The following MTUS2 variants were observed in gnomAD, a reference collection of about 807,000 sequenced individuals.
The protein encoded by MTUS2 is microtubule associated scaffold protein 2, also known as microtubule-associated tumor suppressor candidate 2.
Under a neutral mutation model 114.1 loss-of-function variants are expected in MTUS2, and 40 were observed. That is an observed-to-expected ratio of 0.35 (90% CI 0.27 to 0.46). The LOEUF (loss-of-function observed/expected upper bound fraction) is 0.46, where lower values mean the gene tolerates loss of function less well. Among genes scored for constraint, MTUS2 ranks in the 20% least tolerant of loss-of-function variants. MTUS2 has a pLI of 1.00. For synonymous variants in MTUS2, 688 were observed against 672.0 expected (o/e 1.02, Z -0.37); for missense variants, 1,679 against 1,705.4 (o/e 0.98, Z 0.27).
rs1873087861 is a variant in MTUS2, at chr13:29,389,621, ATATATG to A, written c.3117+30153_3117+30158del. Among the ~76,000 whole-genome samples, 4 of 47,712 alleles carry A rather than the reference ATATATG, an allele frequency of 8.4e-5. 1 individual carries two copies. Among genetic ancestry groups the A allele is most frequent in the Admixed American group, 5.8e-4 (2 of 3,466 alleles). 31.3% of individuals were successfully genotyped at this position (47,712 alleles called of 152,430 possible). A position where few individuals can be genotyped will look rare whatever the true frequency, so the allele number is the denominator to read the frequency against. On this transcript the variant is annotated intron_variant, in intron 8 of 15. Coordinates refer to ENST00000612955, the MANE Select transcript of MTUS2 (RefSeq NM_001033602.4). ...TGTGTATACGTATACATATGTGTGT[ATATATG>A]TATACACATATGTGTATGTATATAC...
chr13:29,201,889 G>C (rs1894974447), intron 5 of MTUS2, among the ~76,000 whole-genome samples: 1 of 152,138 alleles, frequency 6.6e-6, no homozygotes. Context: ...AGTCTGATGG[G>C]CTTCCCTTTG....
At chr13:29,109,913 T>A (rs1196265158) in intron 5 of MTUS2, among the ~76,000 whole-genome samples, 2 of 152,226 alleles carry the variant, frequency 1.3e-5, no homozygotes, top group Admixed American at 1.3e-4. Context: ...CACACATATA[T>A]GGTGAATAAC....
At chr13:29,466,330 G>A (rs537944439) in intron 9 of MTUS2, among the ~76,000 whole-genome samples, 1 of 152,282 alleles carries the variant, frequency 6.6e-6, no homozygotes, top group East Asian at 1.9e-4. Context: ...CACACTCTTG[G>A]GCTATTGATA....
intron 7 of MTUS2, among the ~76,000 whole-genome samples, chr13:29,338,072 G>A (rs997646865): frequency 2.3e-4 from 35 of 151,562 alleles, no homozygotes; most frequent in African/African-American, 8.0e-4. Context: ...GATTACAGGT[G>A]TGAGCCACTG....
At chr13:29,393,739 T>G (rs1004761023) in intron 8 of MTUS2, among the ~76,000 whole-genome samples, 1 of 152,138 alleles carries the variant, frequency 6.6e-6, no homozygotes, top group African/African-American at 2.4e-5. Context: ...GTGCCCAAGA[T>G]AGTCCAAGAA....
In MTUS2 at chr13:28,946,856, A is replaced by G. The variant is rs371385332; in HGVS notation, c.-242-77601A>G. Among the ~76,000 whole-genome samples the G allele has an allele frequency of 1.1e-3, 164 of 152,152 alleles. 1 individual carries two copies. The highest frequency in any genetic ancestry group is 3.8e-3 in the African/African-American group (158 of 41,532). ...GAGCCACCACACCTGACCAGTCACCAGTTTTTAACTCTTGCTCTTCATTCA... is the reference window on the plus strand; with the variant it reads ...GAGCCACCACACCTGACCAGTCACCGGTTTTTAACTCTTGCTCTTCATTCA... On this transcript the variant is annotated intron_variant, in intron 2 of 15. Coordinates refer to ENST00000612955, the MANE Select transcript of MTUS2 (RefSeq NM_001033602.4).
chr13:28,824,707 T>C (rs1408076874), intron 1 of MTUS2, among the ~76,000 whole-genome samples: 2 of 152,018 alleles, frequency 1.3e-5, no homozygotes, highest in East Asian at 3.9e-4. Context: ...CAAAAAAGTT[T>C]GAGTGTCTCC....
At chr13:29,005,235 A>G (rs1885554409) in intron 2 of MTUS2, among the ~76,000 whole-genome samples, 1 of 152,196 alleles carries the variant, frequency 6.6e-6, no homozygotes, top group African/African-American at 2.4e-5. Flanking sequence ...CTCAGCCACC[A>G]GCATTATGGT....
intron 5 of MTUS2, among the ~76,000 whole-genome samples, chr13:29,241,991 G>A (rs980597964): frequency 5.3e-5 from 8 of 151,986 alleles, no homozygotes; most frequent in South Asian, 2.1e-4. Context: ...TCAGCTTTGC[G>A]TTCATCCCAG....
At chr13:28,943,363 C>T (rs1487486916) in intron 2 of MTUS2, among the ~76,000 whole-genome samples, 2 of 152,086 alleles carry the variant, frequency 1.3e-5, no homozygotes, top group African/African-American at 4.8e-5. Context: ...CAAAGTGAAC[C>T]CCATCAGGAT....
rs529286238 is a variant in MTUS2, at chr13:29,026,267, A to G, written c.1569A>G (p.Ser523=). The change falls in exon 3 of 16, where the codon TCA becomes TCG. Residue 523 remains serine (S), a synonymous_variant. Coordinates refer to ENST00000612955, the MANE Select transcript of MTUS2 (RefSeq NM_001033602.4). ...ATGCAGATAAGATTGAAAGCACCTC[A>G]GCAAGAGCAGATTCAGTTCTCAATA... The part of the protein sequence containing the change: ...LENADKIEST[S]ARADSVLNIP... 1.4e-5 allele frequency: 22 copies of G among 1,614,018 alleles called. No homozygotes were observed. In the South Asian group the frequency reaches 2.2e-4, roughly 16 times the overall value.
intron 4 of MTUS2, among the ~76,000 whole-genome samples, chr13:29,085,707 G>A (rs1411186682): frequency 6.6e-6 from 1 of 152,162 alleles, no homozygotes. Flanking sequence ...CACCTAGGTT[G>A]ATTTCATGTC....
intron 5 of MTUS2, among the ~76,000 whole-genome samples, chr13:29,258,811 C>CT (rs983982876): frequency 6.6e-6 from 1 of 152,178 alleles, no homozygotes; most frequent in Non-Finnish European, 1.5e-5. Context: ...TGTATACAGC[C>CT]TTGGTGTCTC....
chr13:29,395,596 G>A (rs1310919597), intron 8 of MTUS2, among the ~76,000 whole-genome samples: 4 of 152,170 alleles, frequency 2.6e-5, no homozygotes, highest in Non-Finnish European at 4.4e-5. Flanking sequence ...GCTGTATTAA[G>A]CAAATCTGCT....
rs75130037 is a variant in MTUS2, at chr13:29,320,883, A to G, written c.2807-3730A>G. 2.0e-3 allele frequency among the ~76,000 whole-genome samples: 310 copies of G among 152,322 alleles called. 1 individual carries two copies. The highest frequency in any genetic ancestry group is 0.01 in the Middle Eastern group (3 of 294). On this transcript the variant is annotated intron_variant, in intron 6 of 15. Coordinates refer to ENST00000612955, the MANE Select transcript of MTUS2 (RefSeq NM_001033602.4). ...AGACTTAGGAGCTACTGAAGGTCAG[A>G]AAGACCTCATCACTGCTAGATATGG...
At chr13:29,008,201 C>A (rs1276081156) in intron 2 of MTUS2, among the ~76,000 whole-genome samples, 1 of 152,160 alleles carries the variant, frequency 6.6e-6, no homozygotes, top group African/African-American at 2.4e-5. Context: ...GTCAACAGAG[C>A]CCCATCTCCT....
intron 5 of MTUS2, among the ~76,000 whole-genome samples, chr13:29,266,367 T>TA (rs1897667217): frequency 6.6e-6 from 1 of 152,152 alleles, no homozygotes; most frequent in Non-Finnish European, 1.5e-5. Context: ...CCTAACCACT[T>TA]AACTATCAGC....
chr13:28,927,964 C>A (rs1363692276), intron 2 of MTUS2, among the ~76,000 whole-genome samples: 11 of 152,052 alleles, frequency 7.2e-5, no homozygotes, highest in Admixed American at 7.2e-4. Flanking sequence ...AAAATCACAC[C>A]TTTACAGCCA....
At chr13:28,860,219 C>T (rs1461785855) in intron 2 of MTUS2, among the ~76,000 whole-genome samples, 1 of 152,126 alleles carries the variant, frequency 6.6e-6, no homozygotes, top group Non-Finnish European at 1.5e-5. Context: ...TTCCTGATAA[C>T]TATTTTCATT....
Sources: gnomAD v4.1 joint callset for allele counts (sites outside exome capture counted in the v4.1 genomes callset) on GRCh38, gnomAD v4.1.1 for gene constraint, MANE v1.5 for transcripts, NCBI Gene and HGNC (gene_info 2026-07-23, HGNC 2026-07-21) for gene names.